SEMA3E: variants seen among roughly 807,000 people sequenced by gnomAD.
SEMA3E encodes the protein semaphorin 3E.
A neutral mutation model predicts 93.6 loss-of-function variants in SEMA3E; 49 were observed. That is an observed-to-expected ratio of 0.52 (90% CI 0.42 to 0.66). The LOEUF is 0.66. Ranked by LOEUF, SEMA3E falls within the 30% of genes least tolerant of loss-of-function variation. SEMA3E has a pLI of 0.00. For synonymous variants in SEMA3E, 363 were observed against 330.7 expected (o/e 1.10, Z -1.06); for missense variants, 906 against 964.8 (o/e 0.94, Z 0.81).
rs1416717372 is a variant in SEMA3E, at chr7:83,365,119, G to T, written c.*2467C>A. ...ATTTGTATTTTGATAGGGCAGTGAA[G>T]ATTTATTTTATAGTATGTGAGGGGT... On this transcript the variant is annotated 3_prime_UTR_variant, in exon 17 of 17. Transcript: ENST00000643230. The T allele has an allele frequency of 6.6e-6, 1 of 151,980 alleles. No individual in the cohort carries two copies. The highest frequency in any genetic ancestry group is 1.9e-4 in the East Asian group (1 of 5,174). The allele number at this position is 151,980 out of a possible 1,614,324, so 9.4% of individuals were successfully genotyped here. A position where few individuals can be genotyped will look rare whatever the true frequency, so the allele number is the denominator to read the frequency against.
chr7:83,565,595 A>T (rs1792130399), intron 1 of SEMA3E, among the ~76,000 whole-genome samples: 1 of 152,232 alleles, frequency 6.6e-6, no homozygotes, highest in South Asian at 2.1e-4. Context: ...ATGAAGATTT[A>T]ATGTGCTTTC....
intron 15 of SEMA3E, 95 bp from the exon 16 acceptor site, chr7:83,385,528 A>G: frequency 8.3e-7 from 1 of 1,208,190 alleles, no homozygotes; most frequent in Non-Finnish European, 1.2e-6. Flanking sequence ...TAACATGATT[A>G]ACTCATTACT....
At position 83,646,384 on chromosome 7, in the gene SEMA3E, TC is replaced by T. The variant is rs1310762723; in HGVS notation, c.115+2043del. Among the ~76,000 whole-genome samples the T allele has an allele frequency of 3.3e-5, 5 of 152,216 alleles. No homozygotes were observed. The East Asian group carries it at 7.7e-4, about 24-fold the overall frequency. On this transcript the variant is annotated intron_variant, in intron 1 of 16. Transcript: ENST00000643230. ...CCTCCTCTGACAGTATATATGCTCTTCTTTTCACTGAGGCCCCTGAGGTGCA... is the reference window on the plus strand; with the variant it reads ...CCTCCTCTGACAGTATATATGCTCTTTTTTCACTGAGGCCCCTGAGGTGCA...
chr7:83,603,698 G>T (rs957848295), intron 1 of SEMA3E, among the ~76,000 whole-genome samples: 3 of 152,076 alleles, frequency 2.0e-5, no homozygotes, highest in Non-Finnish European at 2.9e-5. Flanking sequence ...AAGACCAAAA[G>T]CTTAAGAACT....
At chr7:83,546,656 A>T (rs574280222) in intron 1 of SEMA3E, among the ~76,000 whole-genome samples, 1 of 152,042 alleles carries the variant, frequency 6.6e-6, no homozygotes, top group Non-Finnish European at 1.5e-5. Context: ...ATAACTTCTT[A>T]TTAGTGTCTT....
intron 2 of SEMA3E, among the ~76,000 whole-genome samples, chr7:83,489,766 G>A (rs967638904): frequency 9.2e-5 from 14 of 151,962 alleles, no homozygotes; most frequent in Admixed American, 5.3e-4. Context: ...TCAAGCTTGC[G>A]CTTTGGAATA....
chr7:83,408,237 G>C, intron 6 of SEMA3E, 131 bp downstream of exon 6: 1 of 969,504 alleles, frequency 1.0e-6, no homozygotes, highest in Non-Finnish European at 1.6e-6. Flanking sequence ...CAAGAATGTT[G>C]CTAGTAAAAC....
chr7:83,536,957 T>C (rs572136161), intron 1 of SEMA3E, among the ~76,000 whole-genome samples: 1 of 152,196 alleles, frequency 6.6e-6, no homozygotes, highest in South Asian at 2.1e-4. Flanking sequence ...GTAATTAAGG[T>C]CATTAAGGTG....
chr7:83,603,735 C>T (rs1793045549), intron 1 of SEMA3E, among the ~76,000 whole-genome samples: 1 of 152,110 alleles, frequency 6.6e-6, no homozygotes, highest in South Asian at 2.1e-4. Context: ...TACATTCTAA[C>T]CTTTAAGCCA....
At chr7:83,523,316 A>G (rs1791086950) in intron 1 of SEMA3E, among the ~76,000 whole-genome samples, 1 of 152,108 alleles carries the variant, frequency 6.6e-6, no homozygotes. Flanking sequence ...AGTGATCTCA[A>G]GAGAGTACCA....
intron 10 of SEMA3E, among the ~76,000 whole-genome samples, chr7:83,401,894 T>C (rs1415364455): frequency 6.6e-6 from 1 of 152,038 alleles, no homozygotes; most frequent in Non-Finnish European, 1.5e-5. Flanking sequence ...TTTTCCAACC[T>C]AGTTGCACAC....
intron 1 of SEMA3E, among the ~76,000 whole-genome samples, chr7:83,530,606 G>T (rs1181459247): frequency 6.6e-6 from 1 of 152,148 alleles, no homozygotes. Flanking sequence ...GCCAGGCGTG[G>T]TGGCTCATGC....
intron 1 of SEMA3E, among the ~76,000 whole-genome samples, chr7:83,595,859 G>T (rs1324006414): frequency 6.6e-6 from 1 of 151,816 alleles, no homozygotes; most frequent in Non-Finnish European, 1.5e-5. Context: ...CACTGAAAAG[G>T]TTTTTTTCTT....
intron 1 of SEMA3E, among the ~76,000 whole-genome samples, chr7:83,624,242 T>C (rs1252443541): frequency 6.6e-6 from 1 of 152,226 alleles, no homozygotes; most frequent in Non-Finnish European, 1.5e-5. Flanking sequence ...ATATACTCAG[T>C]AATGAGATCA....
intron 1 of SEMA3E, among the ~76,000 whole-genome samples, chr7:83,509,354 G>T (rs1164766880): frequency 6.6e-6 from 1 of 152,124 alleles, no homozygotes. Context: ...TTGCCCTGAA[G>T]GGCCCTGGCA....
intron 1 of SEMA3E, among the ~76,000 whole-genome samples, chr7:83,603,166 A>G (rs1297149337): frequency 6.6e-6 from 1 of 152,100 alleles, no homozygotes; most frequent in Non-Finnish European, 1.5e-5. Flanking sequence ...CAAGTCTTCT[A>G]CTCCTGGGAG....
intron 1 of SEMA3E, among the ~76,000 whole-genome samples, chr7:83,557,472 G>A (rs930977600): frequency 5.9e-5 from 9 of 151,690 alleles, no homozygotes; most frequent in African/African-American, 1.9e-4. Flanking sequence ...ATTTATAAAC[G>A]TTTCAGTGTT....
At chr7:83,432,763 G>A (rs543354664) in intron 4 of SEMA3E, among the ~76,000 whole-genome samples, 4 of 152,200 alleles carry the variant, frequency 2.6e-5, no homozygotes, top group South Asian at 2.1e-4. Context: ...AAATTCTCCT[G>A]ATTAGAATCT....
Position 83,466,576 on chromosome 7 carries a change from A to C in SEMA3E, c.362T>G (p.Val121Gly), listed in dbSNP as rs1430385677. The C allele has an allele frequency of 1.9e-6, 3 of 1,613,768 alleles. No individual in the cohort carries two copies. In the South Asian group the frequency reaches 3.3e-5, roughly 18 times the overall value. ...GTGTGTCCTGTTATAGTGATGCAAA[A>C]CCCGAACATAATTTGCACATTCACC... is the stretch of plus-strand genomic sequence containing the variant. ...DAGECANYVR[V>G]LHHYNRTHLL... Residue 121 changes from valine (V) to glycine (G), a missense_variant, in exon 4 of 17, where the codon GTT (valine) becomes GGT (glycine). Coordinates refer to ENST00000643230, the MANE Select transcript of SEMA3E (RefSeq NM_012431.3).
Sources: gnomAD v4.1 joint callset for allele counts (sites outside exome capture counted in the v4.1 genomes callset) on GRCh38, gnomAD v4.1.1 for gene constraint, MANE v1.5 for transcripts, NCBI Gene and HGNC (gene_info 2026-07-23, HGNC 2026-07-21) for gene names.